Variants in PHEX observed in about 807,000 individuals in gnomAD.
The protein encoded by PHEX is phosphate regulating endopeptidase X-linked, also known as phosphate-regulating neutral endopeptidase PHEX.
Under a neutral mutation model 68.0 loss-of-function variants are expected in PHEX, and 16 were observed. The observed-to-expected ratio is 0.24, with a 90% CI of 0.16 to 0.36. PHEX has a LOEUF of 0.36. PHEX is among the 10% of genes least tolerant of loss of function. The pLI, the probability that PHEX is intolerant of heterozygous loss-of-function variation, is 1.00. For synonymous variants in PHEX, 208 were observed against 205.1 expected, an observed-to-expected ratio of 1.01 and a Z score of -0.12; for missense variants, 480 against 575.5, an observed-to-expected ratio of 0.83 and a Z score of 1.70.
chrX:22,229,784 C>A (rs1935648182), intron 20 of PHEX, among the ~76,000 whole-genome samples: 1 of 111,958 alleles, frequency 8.9e-6, no homozygotes, highest in Non-Finnish European at 1.9e-5. Flanking sequence ...GTTGCCATTG[C>A]TTTTGGTGTT....
At chrX:22,034,592 G>A (rs1339673033) in intron 1 of PHEX, among the ~76,000 whole-genome samples, 1 of 112,045 alleles carries the variant, frequency 8.9e-6, no homozygotes, top group Non-Finnish European at 1.9e-5. Context: ...ATATGAAAGA[G>A]AACTTTCCAG....
At chrX:22,170,145 G>T (rs1411692091) in intron 13 of PHEX, among the ~76,000 whole-genome samples, 1 of 112,082 alleles carries the variant, frequency 8.9e-6, no homozygotes, top group Admixed American at 9.5e-5. Context: ...ATTTTAAACA[G>T]GGAATTTAAT....
Position 22,076,412 on chromosome X carries a change from G to A in PHEX, c.374G>A (p.Arg125Lys). ...LKELLEKSIS[R>K]RRDTEAIQKA... The stretch of plus-strand genomic sequence containing the variant: ...GAACTTTTGGAGAAATCAATCAGTA[G>A]AAGGCGGGACACCGAAGCCATACAG... Residue 125 changes from arginine (R) to lysine (K), a missense_variant, in exon 4 of 22, where the codon AGA (arginine) becomes AAA (lysine). By Grantham distance (26) the Arg-to-Lys change is conservative (BLOSUM62 2). Transcript: ENST00000379374. 2.5e-6 allele frequency: 3 copies of A among 1,208,634 alleles called. No homozygotes were observed. Among genetic ancestry groups the A allele is most frequent in the Non-Finnish European group, 3.4e-6 (3 of 892,578 alleles).
At position 22,249,455 on chromosome X, in the gene PHEX, A is replaced by AAAAAAAATATATATATATATATAT; in HGVS notation, c.*1503_*1504insAAAAAATATATATATATATATATA. The AAAAAAAATATATATATATATATAT allele has an allele frequency of 2.5e-5, 1 of 39,758 alleles. No individual in the cohort carries two copies. 3.3% of individuals were successfully genotyped at this position (39,758 alleles called of 1,213,427 possible). On this transcript the variant is annotated 3_prime_UTR_variant, in exon 22 of 22. Transcript: ENST00000379374. ...TTGTGATTCTTTTAAAAAAAAAAAA[A>AAAAAAAATATATATATATATATAT]ATATATATATATATATATATATATA...
chrX:22,048,423 A>G (rs1927645456), intron 3 of PHEX, among the ~76,000 whole-genome samples: 1 of 111,147 alleles, frequency 9.0e-6, no homozygotes, highest in Non-Finnish European at 1.9e-5. Context: ...ATTCTTGTCC[A>G]TTTCCTATTT....
intron 20 of PHEX, among the ~76,000 whole-genome samples, chrX:22,237,426 T>A (rs138073073): frequency 1.3e-3 from 150 of 111,419 alleles, no homozygotes; most frequent in Non-Finnish European, 1.9e-3. Context: ...TGCTGTGACC[T>A]CTCATTTTTC....
chrX:22,101,739 A>C (rs1930437305), intron 9 of PHEX, among the ~76,000 whole-genome samples: 2 of 111,171 alleles, frequency 1.8e-5, no homozygotes, highest in Admixed American at 9.5e-5. Flanking sequence ...ATAAGCCAGA[A>C]CTCAGTCTTG....
intron 12 of PHEX, among the ~76,000 whole-genome samples, chrX:22,162,460 G>A (rs1342843327): frequency 1.8e-5 from 2 of 111,486 alleles, no homozygotes; most frequent in Non-Finnish European, 3.8e-5. Flanking sequence ...GGACTCTTCT[G>A]GAAGACCTCC....
intron 5 of PHEX, among the ~76,000 whole-genome samples, chrX:22,081,917 G>A (rs1018781295): frequency 9.0e-6 from 1 of 111,620 alleles, no homozygotes; most frequent in Non-Finnish European, 1.9e-5. Context: ...AGAGTATTTG[G>A]AAGGCCAAGG....
chrX:22,070,530 A>G (rs567505068), intron 3 of PHEX, among the ~76,000 whole-genome samples: 1 of 111,675 alleles, frequency 9.0e-6, no homozygotes, highest in South Asian at 3.7e-4. Flanking sequence ...AATAAAAATA[A>G]AACAATTAGC....
chrX:22,150,921 G>A (rs1344757602), intron 12 of PHEX, among the ~76,000 whole-genome samples: 1 of 112,212 alleles, frequency 8.9e-6, no homozygotes, highest in African/African-American at 3.2e-5. Flanking sequence ...TTCAGCAATG[G>A]ATCGAAACAG....
chrX:22,038,850 C>T (rs746433192), intron 2 of PHEX, among the ~76,000 whole-genome samples: 5 of 111,644 alleles, frequency 4.5e-5, no homozygotes, highest in Non-Finnish European at 9.4e-5. Context: ...CCTATGGCTC[C>T]GCTGGCTATG....
intron 11 of PHEX, among the ~76,000 whole-genome samples, chrX:22,120,951 C>T (rs1354571224): frequency 2.7e-5 from 3 of 111,925 alleles, no homozygotes; most frequent in Non-Finnish European, 3.8e-5. Context: ...CCCATGTGAA[C>T]ATTTTGGCTG....
chrX:22,234,976 TCTC>T (rs1935919726), intron 20 of PHEX, among the ~76,000 whole-genome samples: 1 of 111,656 alleles, frequency 9.0e-6, no homozygotes, highest in South Asian at 3.8e-4. Context: ...GAATCTGGAA[TCTC>T]CTCCTGTTCT....
chrX:22,234,563 T>G (rs1602423269), intron 20 of PHEX, among the ~76,000 whole-genome samples: 3 of 110,763 alleles, frequency 2.7e-5, no homozygotes. Flanking sequence ...TTGTTTACAC[T>G]GTGAGGGTAA....
intron 12 of PHEX, among the ~76,000 whole-genome samples, chrX:22,153,150 C>A (rs1932885177): frequency 9.0e-6 from 1 of 110,862 alleles, no homozygotes; most frequent in Non-Finnish European, 1.9e-5. Context: ...CACCACAATG[C>A]CAAACTAATT....
At chrX:22,113,811 G>C (rs1399890379) in intron 10 of PHEX, among the ~76,000 whole-genome samples, 1 of 110,662 alleles carries the variant, frequency 9.0e-6, no homozygotes, top group Non-Finnish European at 1.9e-5. Context: ...CACTTGGATA[G>C]CATCCTCTCA....
rs1934586934 is a variant in PHEX, at chrX:22,202,483, T to C, written c.1646-10421T>C. 2.7e-5 allele frequency among the ~76,000 whole-genome samples: 3 copies of C among 112,089 alleles called. No homozygotes were observed. In the South Asian group the frequency reaches 1.1e-3, roughly 42 times the overall value. On this transcript the variant is annotated intron_variant, in intron 15 of 21. Coordinates refer to ENST00000379374, the MANE Select transcript of PHEX (RefSeq NM_000444.6). ...CTTCTCTCAAGAAAGCAGTACAAAT[T>C]TGTATTTCCAGTAACAACAAATGAG...
intron 9 of PHEX, among the ~76,000 whole-genome samples, chrX:22,104,361 C>A (rs1464127131): frequency 1.8e-5 from 2 of 109,714 alleles, no homozygotes; most frequent in East Asian, 5.8e-4. Context: ...CCCTTGCAGT[C>A]CAAGGGGGTA....
Sources: allele counts gnomAD v4.1 joint callset (sites outside exome capture counted in the v4.1 genomes callset), GRCh38; gene constraint gnomAD v4.1.1; transcripts MANE v1.5; gene names NCBI Gene and HGNC (gene_info 2026-07-23, HGNC 2026-07-21).